PKD1: variants seen among roughly 807,000 people sequenced by gnomAD.
PKD1 encodes the protein polycystin-1.
A neutral mutation model predicts 361.7 loss-of-function variants in PKD1; 81 were observed. The ratio of observed to expected loss-of-function variants is 0.22; its 90% CI spans 0.19 to 0.27. The LOEUF is 0.27. Ranked by LOEUF, PKD1 falls within the 10% of genes least tolerant of loss-of-function variation. The pLI is 1.00. For synonymous variants in PKD1, 3,615 were observed against 2,818.3 expected, an observed-to-expected ratio of 1.28 and a Z score of -8.95; for missense variants, 6,399 against 6,118.3, an observed-to-expected ratio of 1.05 and a Z score of -1.53.
chr16:2,089,518 A>C lies in PKD1; in HGVS notation c.*209T>G. On this transcript the variant is annotated 3_prime_UTR_variant, in exon 46 of 46. Coordinates refer to ENST00000262304, the MANE Select transcript of PKD1 (RefSeq NM_001009944.3). ...CGTCCAATACTGCTGTGTCCTTCCC[A>C]AGGGAGCTGGGGAGGGGACCCTGGG... The C allele has an allele frequency of 3.3e-6, 2 of 615,012 alleles. No homozygotes were observed. The highest frequency in any genetic ancestry group is 5.5e-5 in the East Asian group (2 of 36,188). 38.1% of individuals were successfully genotyped at this position (615,012 alleles called of 1,614,324 possible). A position where few individuals can be genotyped will look rare whatever the true frequency, so the allele number is the denominator to read the frequency against.
chr16:2,091,677 G>A, intron 41 of PKD1, 80 bp from the exon 42 acceptor site: 2 of 1,562,726 alleles, frequency 1.3e-6, no homozygotes, highest in Non-Finnish European at 1.7e-6. Context: ...CGTGGCTGAG[G>A]GGCTGTGGAA....
intron 1 of PKD1, among the ~76,000 whole-genome samples, chr16:2,127,307 G>A (rs578233526): frequency 3.9e-5 from 6 of 152,232 alleles, no homozygotes; most frequent in Non-Finnish European, 5.9e-5. Context: ...AGCCCCGCAC[G>A]TCTCACACAC....
At position 2,114,650 on chromosome 16, in the gene PKD1, C is replaced by T. The variant is rs1332355079; in HGVS notation, c.2373G>A (p.Arg791=). ...CCCGGACCTCATAGCGCCCAGGCAG[C>T]CGCAGTCCAGGGTTGGGCCTCAAGC... ...LLGLRPNPGL[R]LPGRYEVRAE... Residue 791 remains arginine, a synonymous_variant, in exon 11 of 46, where the codon CGG becomes CGA. Transcript: ENST00000262304. 3.2e-6 allele frequency: 5 copies of T among 1,557,050 alleles called. No homozygotes were observed.
chr16:2,090,765 C>T lies in PKD1; in HGVS notation c.12047G>A (p.Gly4016Asp), dbSNP rs766454786. 1 of 1,612,636 alleles carries T rather than the reference C, an allele frequency of 6.2e-7. No homozygotes were observed. Among genetic ancestry groups the T allele is most frequent in the Admixed American group, 1.7e-5 (1 of 60,030 alleles). The change falls in exon 44 of 46, where the codon GGC (glycine) becomes GAC (aspartate). Residue 4016 changes from glycine (G) to aspartate (D), a missense_variant. Gly to Asp is a moderately conservative substitution (Grantham distance 94). Transcript: ENST00000262304. ...TGGCAGAGCTCGGCATAATGTCTTG[C>T]CAAAGACGGACCACTGGCGCACGAA... ...LRFVRQWSVF[G>D]KTLCRALPEL...
At position 2,108,753 on chromosome 16, in the gene PKD1, C is replaced by T. The variant is rs751220570; in HGVS notation, c.6414G>A (p.Thr2138=). The part of the protein sequence containing the change: ...NLVSFFVAQA[T]VTVQVLACRE... The stretch of plus-strand genomic sequence containing the variant: ...GGCAGGCCAGCACCTGGACGGTCAC[C>T]GTGGCCTGCGCCACGAAGAAGCTCA... Residue 2138 remains threonine (T), a synonymous_variant, in exon 15 of 46, where the codon ACG becomes ACA. Coordinates refer to ENST00000262304, the MANE Select transcript of PKD1 (RefSeq NM_001009944.3). 2.0e-5 allele frequency: 32 copies of T among 1,570,140 alleles called. No homozygotes were observed. The highest frequency in any genetic ancestry group is 1.6e-4 in the Admixed American group (9 of 55,394).
chr16:2,106,055 G>A lies in PKD1; in HGVS notation c.7704-31C>T. ...AGCAGAGGGGGGTGGTGAGCAGGTG[G>A]CAGTCTCGGGGGCGCCCTCCCACGG... On this transcript the variant is annotated intron_variant, in intron 19 of 45. Coordinates refer to ENST00000262304, the MANE Select transcript of PKD1 (RefSeq NM_001009944.3). The surrounding 1 kb of genome is among the most constrained non-coding windows in gnomAD (Gnocchi z 6.5). The A allele has an allele frequency of 6.2e-7, 1 of 1,606,268 alleles. No homozygotes were observed. Among genetic ancestry groups the A allele is most frequent in the South Asian group, 1.1e-5 (1 of 90,950 alleles).
At position 2,116,649 on chromosome 16, in the gene PKD1, G is replaced by C; in HGVS notation, c.1607-5C>G. The stretch of plus-strand genomic sequence containing the variant: ...TCTCGGCATCCTGCACTGGGCCTGG[G>C]GTGGCGAGTGCACAGTGAGGCGCCG... On this transcript the variant is annotated splice_polypyrimidine_tract_variant and splice_region_variant and intron_variant, in intron 7 of 45. Coordinates refer to ENST00000262304, the MANE Select transcript of PKD1 (RefSeq NM_001009944.3). 1.4e-6 allele frequency: 2 copies of C among 1,479,556 alleles called. No homozygotes were observed. The highest frequency in any genetic ancestry group is 1.8e-6 in the Non-Finnish European group (2 of 1,093,162). The allele number at this position is 1,479,556 out of a possible 1,614,324, so 91.7% of individuals were successfully genotyped here. A position where few individuals can be genotyped will look rare whatever the true frequency, so the allele number is the denominator to read the frequency against.
At chr16:2,125,678 G>A (rs2092788744) in intron 1 of PKD1, among the ~76,000 whole-genome samples, 1 of 151,388 alleles carries the variant, frequency 6.6e-6, no homozygotes, top group African/African-American at 2.4e-5. Context: ...CCTGTGGGGT[G>A]TAGGAAGGAG....
Position 2,108,746 on chromosome 16 carries a change from C to T in PKD1, c.6421G>A (p.Val2141Ile), listed in dbSNP as rs762782364. Residue 2141 changes from valine to isoleucine, a missense_variant, in exon 15 of 46, where the codon GTC becomes ATC. By Grantham distance (29) the Val-to-Ile change is conservative. Coordinates refer to ENST00000262304, the MANE Select transcript of PKD1 (RefSeq NM_001009944.3). ...SFFVAQATVT[V>I]QVLACREPEV... The stretch of plus-strand genomic sequence containing the variant: ...GGCTCCCGGCAGGCCAGCACCTGGA[C>T]GGTCACCGTGGCCTGCGCCACGAAG... 39 of 1,571,400 alleles carry T rather than the reference C, an allele frequency of 2.5e-5. No individual in the cohort carries two copies. The East Asian group carries it at 3.1e-4, about 12-fold the overall frequency.
At position 2,092,506 on chromosome 16, in the gene PKD1, C is replaced by A. The variant is rs546924823; in HGVS notation, c.11243G>T (p.Arg3748Leu). The change falls in exon 39 of 46, where the codon CGG becomes CTG. Residue 3748 changes from arginine (R) to leucine (L), a missense_variant. Transcript: ENST00000262304. ...NQSSPELGPP[R>L]LRQVRLQEAL... is the part of the protein sequence containing the mutation. ...TTCCTGCAGCCGCACCTGCCGCAGC[C>A]GTGGGGGCCCCAGCTCTGGGCTGGA... is the stretch of plus-strand genomic sequence containing the variant. 6.2e-7 allele frequency: 1 copy of A among 1,611,828 alleles called. No homozygotes were observed. The highest frequency in any genetic ancestry group is 8.5e-7 in the Non-Finnish European group (1 of 1,179,112).
At position 2,117,625 on chromosome 16, in the gene PKD1, C is replaced by T. The variant is rs779984264; in HGVS notation, c.1249G>A (p.Gly417Arg). ...TCCACCACCAGGCGGTAGCAGTGCC[C>T]GTTGCCAGGGAAGATCTCCGTGTCC... ...PSDTEIFPGN[G>R]HCYRLVVEKA... The change falls in exon 6 of 46, where the codon GGG (glycine) becomes AGG (arginine). Residue 417 changes from glycine (G) to arginine (R), a missense_variant. By Grantham distance (125) the Gly-to-Arg change is moderately radical (BLOSUM62 -2). Coordinates refer to ENST00000262304, the MANE Select transcript of PKD1 (RefSeq NM_001009944.3). 9.9e-6 allele frequency: 16 copies of T among 1,610,630 alleles called. No individual in the cohort carries two copies. In the East Asian group the frequency reaches 1.1e-4, roughly 11 times the overall value.
rs1052613746 is a variant in PKD1 at position 2,089,315 on chromosome 16, G to C, written c.*412C>G. ...GACACACAGTGAGACGGTGCAGGGA[G>C]TACGGTAGGAACTGGAGAGGTAATA... On this transcript the variant is annotated 3_prime_UTR_variant, in exon 46 of 46. Coordinates refer to ENST00000262304, the MANE Select transcript of PKD1 (RefSeq NM_001009944.3). The C allele has an allele frequency of 2.5e-5, 7 of 277,342 alleles. No individual in the cohort carries two copies. The highest frequency in any genetic ancestry group is 1.5e-4 in the African/African-American group (7 of 45,694). 17.2% of individuals were successfully genotyped at this position (277,342 alleles called of 1,614,324 possible).
At chr16:2,099,257 C>T (rs1377527774) in intron 30 of PKD1, 11 of 357,390 alleles carry the variant, frequency 3.1e-5, no homozygotes, top group Admixed American at 1.1e-4. Flanking sequence ...CCACCACACC[C>T]GGCCCGGCCA....
In PKD1 at chr16:2,113,302, G is replaced by T; in HGVS notation, c.2854-10C>A. On this transcript the variant is annotated splice_polypyrimidine_tract_variant and intron_variant, in intron 11 of 45. Coordinates refer to ENST00000262304, the MANE Select transcript of PKD1 (RefSeq NM_001009944.3). ...CCACGGGGCTGTACCTCTGCGGGGG[G>T]AATGGTGTCAGCCTGGGCTCTGTGG... is the stretch of plus-strand genomic sequence containing the variant. The T allele has an allele frequency of 6.3e-7, 1 of 1,595,456 alleles. No homozygotes were observed. Among genetic ancestry groups the T allele is most frequent in the Non-Finnish European group, 8.5e-7 (1 of 1,179,354 alleles).
At chr16:2,129,051 C>CG (rs890255727) in intron 1 of PKD1, among the ~76,000 whole-genome samples, 12 of 151,956 alleles carry the variant, frequency 7.9e-5, no homozygotes, top group Non-Finnish European at 1.5e-4. Flanking sequence ...TTTAGTAGAA[C>CG]GGGGTTTCAC....
intron 12 of PKD1, 90 bp from the exon 13 acceptor site, chr16:2,113,053 C>T: frequency 7.2e-7 from 1 of 1,391,542 alleles, no homozygotes; most frequent in South Asian, 1.2e-5. Flanking sequence ...ACAGCCATGG[C>T]AGCGTCCTCG....
Position 2,100,952 on chromosome 16 carries a change from C to A in PKD1, c.9398-386G>T, listed in dbSNP as rs2092071113. Among the ~76,000 whole-genome samples, 1 of 152,126 alleles carries A rather than the reference C, an allele frequency of 6.6e-6. No individual in the cohort carries two copies. The highest frequency in any genetic ancestry group is 2.4e-5 in the African/African-American group (1 of 41,424). On this transcript the variant is annotated intron_variant, in intron 26 of 45. Transcript: ENST00000262304. The surrounding 1 kb of genome is among the most constrained non-coding windows in gnomAD (Gnocchi z 4.4). ...ACTGCAAAGCGTGAAGCTGTGTCACCTCCTCTCCCAGTGACAGACCCAGGT... is the reference window on the plus strand; with the variant it reads ...ACTGCAAAGCGTGAAGCTGTGTCACATCCTCTCCCAGTGACAGACCCAGGT...
chr16:2,088,723 T>TA lies in PKD1; in HGVS notation c.*1003_*1004insT. On this transcript the variant is annotated 3_prime_UTR_variant, in exon 46 of 46. Coordinates refer to ENST00000262304, the MANE Select transcript of PKD1 (RefSeq NM_001009944.3). ...GAGGCACAGATTGCAGTCAGACAGC[T>TA]CTTTTATTGACTTTGTCTGCTTGGT... is the stretch of plus-strand genomic sequence containing the variant. 7.2e-7 allele frequency: 1 copy of TA among 1,394,694 alleles called. No homozygotes were observed. The highest frequency in any genetic ancestry group is 9.7e-7 in the Non-Finnish European group (1 of 1,031,336). The allele number at this position is 1,394,694 out of a possible 1,614,324, so 86.4% of individuals were successfully genotyped here. A position where few individuals can be genotyped will look rare whatever the true frequency, so the allele number is the denominator to read the frequency against.
intron 31 of PKD1, 40 bp from the exon 32 acceptor site, chr16:2,097,820 G>C (rs1459985128): frequency 1.2e-6 from 2 of 1,610,924 alleles, no homozygotes; most frequent in Non-Finnish European, 1.7e-6. Context: ...GCTGCGCCAA[G>C]GCGGCAGGAC....
Sources: gnomAD v4.1 joint callset for allele counts (sites outside exome capture counted in the v4.1 genomes callset) on GRCh38, gnomAD v4.1.1 for gene constraint, Gnocchi (gnomAD v3.1) non-coding constraint, MANE v1.5 for transcripts, NCBI Gene and HGNC (gene_info 2026-07-23, HGNC 2026-07-21) for gene names.